The following FOCAD variants were observed in gnomAD, a reference collection of about 807,000 sequenced individuals.
The protein encoded by FOCAD is KIAA1797.
A neutral mutation model predicts 225.6 loss-of-function variants in FOCAD; 198 were observed. The observed-to-expected ratio is 0.88, with a 90% CI of 0.78 to 0.99. The LOEUF (loss-of-function observed/expected upper bound fraction) is 0.99, where lower values mean the gene tolerates loss of function less well. Among genes scored for constraint, FOCAD ranks in the 50% least tolerant of loss-of-function variants. The probability of loss-of-function intolerance (pLI) is 0.00; values close to 1 mark genes in which losing one functional copy is unlikely to be tolerated. For missense variants in FOCAD, 2,713 were observed against 2,123.6 expected, an observed-to-expected ratio of 1.28 and a Z score of -5.46; for synonymous variants, 897 against 755.0, an observed-to-expected ratio of 1.19 and a Z score of -3.08.
chr9:20,807,327 G>A (rs943657940), intron 11 of FOCAD, among the ~76,000 whole-genome samples: 1 of 152,092 alleles, frequency 6.6e-6, no homozygotes. Context: ...ATTATTATCT[G>A]TGTGTGTGTG....
chr9:20,771,243 G>A (rs938844836), intron 8 of FOCAD, among the ~76,000 whole-genome samples: 10 of 152,150 alleles, frequency 6.6e-5, no homozygotes, highest in African/African-American at 1.9e-4. Context: ...TGGCAAATAG[G>A]GCTGGGCTTG....
At chr9:20,940,078 A>G (rs1474070734) in intron 28 of FOCAD, among the ~76,000 whole-genome samples, 1 of 152,042 alleles carries the variant, frequency 6.6e-6, no homozygotes, top group Admixed American at 6.6e-5. Context: ...TTTAATGAAC[A>G]ACTATATTGA....
chr9:20,758,254 A>G, intron 6 of FOCAD, 63 bp downstream of exon 6: 2 of 1,192,918 alleles, frequency 1.7e-6, no homozygotes, highest in Admixed American at 5.5e-5. Flanking sequence ...CTAATTTTAG[A>G]GCTAGGGTTT....
At chr9:20,926,049 C>T (rs1834908184) in intron 25 of FOCAD, among the ~76,000 whole-genome samples, 2 of 152,172 alleles carry the variant, frequency 1.3e-5, no homozygotes, top group South Asian at 4.1e-4. Context: ...TTCTGTTTTG[C>T]AGCATCTATC....
At chr9:20,907,441 G>C in intron 22 of FOCAD, among the ~76,000 whole-genome samples, 199 bp downstream of exon 22, 1 of 151,926 alleles carries the variant, frequency 6.6e-6, no homozygotes, top group Non-Finnish European at 1.5e-5. Flanking sequence ...CCAAATCCAT[G>C]TGTCCCATCC....
At chr9:20,707,501 G>A (rs1291605401) in intron 1 of FOCAD, among the ~76,000 whole-genome samples, 2 of 152,064 alleles carry the variant, frequency 1.3e-5, no homozygotes, top group Admixed American at 6.6e-5. Flanking sequence ...ACTACCAATA[G>A]TCTTATGGAT....
At chr9:20,758,036 G>C in intron 5 of FOCAD, 54 bp from the exon 6 acceptor site, 1 of 1,212,750 alleles carries the variant, frequency 8.2e-7, no homozygotes. Flanking sequence ...TTTGGATATT[G>C]AAAATGTGTA....
At position 20,764,393 on chromosome 9, in the gene FOCAD, A is replaced by G. The variant is rs1008937890; in HGVS notation, c.495-476A>G. Reference sequence around the variant, plus strand: ...CTCAGCCTCCTGAGTAGCTGGGACTACAGGTGCATGCCACCACGCCCAGCT... The same window carrying G: ...CTCAGCCTCCTGAGTAGCTGGGACTGCAGGTGCATGCCACCACGCCCAGCT... On this transcript the variant is annotated intron_variant, in intron 6 of 43. Transcript: ENST00000338382. Among the ~76,000 whole-genome samples, 8 of 152,290 alleles carry G rather than the reference A, an allele frequency of 5.3e-5. No homozygotes were observed. The South Asian group carries it at 6.2e-4, about 12-fold the overall frequency.
At chr9:20,967,738 G>A (rs372228029) in intron 35 of FOCAD, among the ~76,000 whole-genome samples, 1 of 152,098 alleles carries the variant, frequency 6.6e-6, no homozygotes, top group East Asian at 1.9e-4. Context: ...AGTCCTGCGG[G>A]CTTTTTTCCT....
At chr9:20,935,840 C>G (rs927049349) in intron 28 of FOCAD, among the ~76,000 whole-genome samples, 5 of 152,200 alleles carry the variant, frequency 3.3e-5, no homozygotes, top group Non-Finnish European at 5.9e-5. Flanking sequence ...TCAGGGATTA[C>G]CAACCTGCTT....
chr9:20,711,779 C>T (rs1215736675), intron 1 of FOCAD, among the ~76,000 whole-genome samples: 8 of 152,118 alleles, frequency 5.3e-5, no homozygotes, highest in Non-Finnish European at 8.8e-5. Context: ...AGTATGGAAG[C>T]GTTTGGAGAT....
chr9:20,883,808 A>C (rs1830879671), intron 20 of FOCAD, among the ~76,000 whole-genome samples: 1 of 152,252 alleles, frequency 6.6e-6, no homozygotes, highest in Admixed American at 6.5e-5. Flanking sequence ...TGTATATTTT[A>C]GAAAAGAAAG....
At chr9:20,844,032 G>C (rs181453372) in intron 15 of FOCAD, among the ~76,000 whole-genome samples, 57 of 152,210 alleles carry the variant, frequency 3.7e-4, no homozygotes, top group African/African-American at 1.3e-3. Context: ...GCCAACTCCA[G>C]TTCCTTGAAA....
intron 5 of FOCAD, among the ~76,000 whole-genome samples, chr9:20,748,890 A>G (rs1157662933): frequency 2.0e-5 from 3 of 152,114 alleles, no homozygotes; most frequent in Non-Finnish European, 2.9e-5. Context: ...GCCACCAGAA[A>G]ACACTTTATA....
chr9:20,797,587 TG>T (rs1821265426), intron 11 of FOCAD, among the ~76,000 whole-genome samples: 1 of 152,186 alleles, frequency 6.6e-6, no homozygotes, highest in South Asian at 2.1e-4. Context: ...CAATTATGAA[TG>T]GGAATTCACT....
At position 20,853,425 on chromosome 9, in the gene FOCAD, A is replaced by G. The variant is rs1449224445; in HGVS notation, c.1921-9153A>G. Among the ~76,000 whole-genome samples the G allele has an allele frequency of 3.9e-5, 6 of 151,932 alleles. No homozygotes were observed. The East Asian group carries it at 1.2e-3, about 29-fold the overall frequency. ...TAAACCTGTTCTATTCAGATATTAG[A>G]ATTATAAGTATGTACTACAAAGTGC... On this transcript the variant is annotated intron_variant, in intron 15 of 43. Coordinates refer to ENST00000338382, the MANE Select transcript of FOCAD (RefSeq NM_001375567.1).
At chr9:20,881,426 G>A (rs1020995386) in intron 19 of FOCAD, among the ~76,000 whole-genome samples, 1 of 152,158 alleles carries the variant, frequency 6.6e-6, no homozygotes, top group African/African-American at 2.4e-5. Flanking sequence ...CAACTGGAAG[G>A]TGTTAGGGAC....
At chr9:20,691,377 A>C (rs530542854) in intron 1 of FOCAD, among the ~76,000 whole-genome samples, 2 of 152,260 alleles carry the variant, frequency 1.3e-5, no homozygotes, top group South Asian at 4.1e-4. Flanking sequence ...AGTGCTGTTA[A>C]CATTGGAGTG....
At chr9:20,964,897 T>A (rs1839121966) in intron 35 of FOCAD, among the ~76,000 whole-genome samples, 1 of 152,110 alleles carries the variant, frequency 6.6e-6, no homozygotes, top group Admixed American at 6.6e-5. Context: ...CGCACTACTA[T>A]ACCTGTTGGC....
Sources: allele counts gnomAD v4.1 joint callset (sites outside exome capture counted in the v4.1 genomes callset), GRCh38; gene constraint gnomAD v4.1.1; transcripts MANE v1.5; gene names NCBI Gene and HGNC (gene_info 2026-07-23, HGNC 2026-07-21).